SCTR: variants seen among roughly 807,000 people sequenced by gnomAD.
The protein encoded by SCTR is secretin receptor, also known as pancreatic secretin receptor.
In SCTR, 56 loss-of-function variants were observed where a neutral mutation model predicts 60.8. The observed-to-expected ratio is 0.92, with a 90% CI of 0.74 to 1.15. SCTR has a LOEUF of 1.15. SCTR is among the 50% of genes most tolerant of loss of function. The pLI, the probability that SCTR is intolerant of heterozygous loss-of-function variation, is 0.00. For missense variants in SCTR, 562 were observed against 550.4 expected (o/e 1.02, Z -0.21); for synonymous variants, 202 against 217.0 (o/e 0.93, Z 0.61).
chr2:119,515,550 G>A (rs1164145644), intron 1 of SCTR, among the ~76,000 whole-genome samples: 2 of 152,192 alleles, frequency 1.3e-5, no homozygotes, highest in African/African-American at 4.8e-5. Flanking sequence ...AAAAGGCAGA[G>A]AAAGGTAAAT....
At chr2:119,471,535 G>A (rs1677011571) in intron 4 of SCTR, among the ~76,000 whole-genome samples, 1 of 152,198 alleles carries the variant, frequency 6.6e-6, no homozygotes, top group Non-Finnish European at 1.5e-5. Flanking sequence ...ATAGAGCAAG[G>A]CTGATGCGCT....
chr2:119,519,371 T>A (rs1488627771), intron 1 of SCTR, among the ~76,000 whole-genome samples: 2 of 152,212 alleles, frequency 1.3e-5, no homozygotes, highest in Non-Finnish European at 1.5e-5. Context: ...AAATGCTGTG[T>A]GTAACTCAGT....
intron 4 of SCTR, among the ~76,000 whole-genome samples, chr2:119,472,132 A>G (rs917633730): frequency 3.3e-5 from 5 of 152,198 alleles, no homozygotes; most frequent in Admixed American, 3.3e-4. Context: ...TTGTGGAGTG[A>G]ATGAATGCCT....
chr2:119,463,121 AGTGG>A (rs1683683888), intron 6 of SCTR, among the ~76,000 whole-genome samples: 1 of 152,156 alleles, frequency 6.6e-6, no homozygotes, highest in African/African-American at 2.4e-5. Context: ...AGTGGTAGGA[AGTGG>A]CAGGCAGGTT....
rs1399692245 is a variant in SCTR, at chr2:119,473,435, G to A, written c.405+18C>T. 6.4e-7 allele frequency: 1 copy of A among 1,572,468 alleles called. No homozygotes were observed. Among genetic ancestry groups the A allele is most frequent in the Non-Finnish European group, 8.8e-7 (1 of 1,142,058 alleles). ...GTTCCTGTCCCCGGGTTCGTGGGGTGGAGGTTGACAGGCTTACCCGCTTCT... is the reference window on the plus strand; with the variant it reads ...GTTCCTGTCCCCGGGTTCGTGGGGTAGAGGTTGACAGGCTTACCCGCTTCT... On this transcript the variant is annotated intron_variant, in intron 4 of 12. Transcript: ENST00000019103.
At chr2:119,444,277 A>ATATGAATATATACATATATACG (rs1682788089) in intron 11 of SCTR, among the ~76,000 whole-genome samples, 2 of 75,976 alleles carry the variant, frequency 2.6e-5, no homozygotes, top group Non-Finnish European at 5.4e-5. Context: ...ACATATATAC[A>ATATGAATATATACATATATACG]TATGAATATA....
chr2:119,507,070 A>T (rs1203973844), intron 1 of SCTR, among the ~76,000 whole-genome samples: 1 of 152,252 alleles, frequency 6.6e-6, no homozygotes, highest in Non-Finnish European at 1.5e-5. Context: ...GTTAATTTAC[A>T]ACTATTTCAA....
At chr2:119,520,766 T>C (rs1200530183) in intron 1 of SCTR, among the ~76,000 whole-genome samples, 3 of 152,200 alleles carry the variant, frequency 2.0e-5, no homozygotes, top group Non-Finnish European at 1.5e-5. Flanking sequence ...GTTTGGAAAC[T>C]GGTTTTCATC....
intron 1 of SCTR, among the ~76,000 whole-genome samples, chr2:119,499,159 G>A (rs1178778061): frequency 6.6e-6 from 1 of 151,870 alleles, no homozygotes; most frequent in African/African-American, 2.4e-5. Flanking sequence ...AAAAAGGCAA[G>A]CTATCAAAAA....
At chr2:119,491,490 G>GTTTC (rs1455039299) in intron 2 of SCTR, among the ~76,000 whole-genome samples, 1 of 152,020 alleles carries the variant, frequency 6.6e-6, no homozygotes, top group Non-Finnish European at 1.5e-5. Context: ...CATTTTACAT[G>GTTTC]TTTCTTTCTT....
chr2:119,509,396 T>C (rs1384880315), intron 1 of SCTR, among the ~76,000 whole-genome samples: 2 of 152,168 alleles, frequency 1.3e-5, no homozygotes, highest in Non-Finnish European at 2.9e-5. Flanking sequence ...GCGGTATCAA[T>C]GTGTGTGAAT....
intron 1 of SCTR, among the ~76,000 whole-genome samples, chr2:119,495,167 A>G (rs2587672): frequency 0.67 from 101,806 of 152,018 alleles, 37,896 homozygotes; most frequent in East Asian, 0.88. Flanking sequence ...ATACACACAC[A>G]TAAAAGAGAG....
chr2:119,462,597 G>A (rs1414342931), intron 6 of SCTR, among the ~76,000 whole-genome samples: 1 of 152,208 alleles, frequency 6.6e-6, no homozygotes, highest in East Asian at 1.9e-4. Context: ...GTCCCCTGCA[G>A]GGATCCCCGG....
chr2:119,499,725 A>G (rs1464976141), intron 1 of SCTR, among the ~76,000 whole-genome samples: 3 of 152,078 alleles, frequency 2.0e-5, no homozygotes, highest in Admixed American at 2.0e-4. Context: ...GAGAAAATTC[A>G]ATGTCCATTA....
At chr2:119,475,618 A>AGATG in intron 3 of SCTR, among the ~76,000 whole-genome samples, 4 of 147,338 alleles carry the variant, frequency 2.7e-5, no homozygotes, top group South Asian at 2.1e-4. Flanking sequence ...ATATATATAT[A>AGATG]TAGATGTAGA....
intron 1 of SCTR, among the ~76,000 whole-genome samples, chr2:119,516,864 C>A (rs138867678): frequency 6.6e-6 from 1 of 152,046 alleles, no homozygotes; most frequent in African/African-American, 2.4e-5. Flanking sequence ...GAGGCTGAGG[C>A]GGGAGGATCA....
chr2:119,482,435 C>T lies in SCTR; in HGVS notation c.194-3517G>A, dbSNP rs183390936. 1.4e-3 allele frequency among the ~76,000 whole-genome samples: 214 copies of T among 152,200 alleles called. 1 individual carries two copies. The highest frequency in any genetic ancestry group is 6.8e-3 in the Middle Eastern group (2 of 294). Reference sequence around the variant, plus strand: ...AGGCTGCAACCATGAGCAAGGGTGTCGTAGAATTGTAGAGGGACACAGAAG... The same window carrying T: ...AGGCTGCAACCATGAGCAAGGGTGTTGTAGAATTGTAGAGGGACACAGAAG... On this transcript the variant is annotated intron_variant, in intron 2 of 12. Coordinates refer to ENST00000019103, the MANE Select transcript of SCTR (RefSeq NM_002980.3).
chr2:119,481,735 G>A (rs1002435260), intron 2 of SCTR, among the ~76,000 whole-genome samples: 5 of 152,236 alleles, frequency 3.3e-5, no homozygotes, highest in Non-Finnish European at 5.9e-5. Context: ...CTGTGCCTAC[G>A]ATGGGCCAGG....
Position 119,494,365 on chromosome 2 carries a change from G to T in SCTR, c.193+63C>A, listed in dbSNP as rs1573900932. ...TCCTGGCCCAGGATAAGCTCCCCCTGCCCAGCAGGACCGGACATGCTCCAC... is the reference window on the plus strand; with the variant it reads ...TCCTGGCCCAGGATAAGCTCCCCCTTCCCAGCAGGACCGGACATGCTCCAC... On this transcript the variant is annotated intron_variant, in intron 2 of 12. Coordinates refer to ENST00000019103, the MANE Select transcript of SCTR (RefSeq NM_002980.3). The T allele has an allele frequency of 3.8e-6, 6 of 1,571,878 alleles. No homozygotes were observed. The East Asian group carries it at 1.4e-4, about 36-fold the overall frequency.
Sources: allele counts gnomAD v4.1 joint callset (sites outside exome capture counted in the v4.1 genomes callset), GRCh38; gene constraint gnomAD v4.1.1; transcripts MANE v1.5; gene names NCBI Gene and HGNC (gene_info 2026-07-23, HGNC 2026-07-21).